RPTOR: variants seen among roughly 807,000 people sequenced by gnomAD.
RPTOR encodes regulatory-associated protein of mTOR.
Under a neutral mutation model 169.9 loss-of-function variants are expected in RPTOR, and 21 were observed. The ratio of observed to expected loss-of-function variants is 0.12; its 90% confidence interval spans 0.09 to 0.18. RPTOR has a LOEUF of 0.18. Ranked by LOEUF, RPTOR falls within the 10% of genes least tolerant of loss-of-function variation. The pLI is 1.00. For missense variants in RPTOR, 1,133 were observed against 1,855.9 expected (o/e 0.61, Z 7.16); for synonymous variants, 732 against 753.2 (o/e 0.97, Z 0.46).
chr17:80,757,173 G>C (rs575205898), intron 6 of RPTOR, among the ~76,000 whole-genome samples: 3 of 152,298 alleles, frequency 2.0e-5, no homozygotes, highest in South Asian at 4.1e-4. Flanking sequence ...CCCGTGTTGA[G>C]AGAACAAGAA....
Position 80,820,855 on chromosome 17 carries a change from G to A in RPTOR, c.891-1346G>A, listed in dbSNP as rs1023169927. 6.6e-6 allele frequency among the ~76,000 whole-genome samples: 1 copy of A among 152,166 alleles called. No homozygotes were observed. The highest frequency in any genetic ancestry group is 6.5e-5 in the Admixed American group (1 of 15,278). On this transcript the variant is annotated intron_variant, in intron 7 of 33. Transcript: ENST00000306801. This position sits in a 1 kb window ranked among gnomAD's most constrained non-coding sequence, Gnocchi z 4.1. The stretch of plus-strand genomic sequence containing the variant: ...CACAGCTAATGAAAGGGGCTTCTCC[G>A]TCATCCCCGTCCTGGCCAGCAGCCT...
intron 1 of RPTOR, among the ~76,000 whole-genome samples, chr17:80,564,097 C>G (rs980998860): frequency 6.6e-6 from 1 of 151,122 alleles, no homozygotes; most frequent in Non-Finnish European, 1.5e-5. Flanking sequence ...GAGTCTCGCT[C>G]TGTCGCCCAG....
chr17:80,599,300 C>T (rs1408569153), intron 1 of RPTOR, among the ~76,000 whole-genome samples: 1 of 152,054 alleles, frequency 6.6e-6, no homozygotes, highest in South Asian at 2.1e-4. Context: ...CACTCACCCC[C>T]AGACTTAAGT....
At chr17:80,919,918 C>T (rs2068724654) in intron 21 of RPTOR, among the ~76,000 whole-genome samples, 1 of 152,226 alleles carries the variant, frequency 6.6e-6, no homozygotes, top group Admixed American at 6.5e-5. Flanking sequence ...AGCCGGGGCT[C>T]TGGGGGTGTA....
chr17:80,887,629 A>G (rs752242124), intron 17 of RPTOR, among the ~76,000 whole-genome samples: 2 of 152,120 alleles, frequency 1.3e-5, no homozygotes, highest in Non-Finnish European at 2.9e-5. Context: ...GGGGAGTAGA[A>G]CTGGCTGAGA....
chr17:80,577,978 G>A (rs757904794), intron 1 of RPTOR, among the ~76,000 whole-genome samples: 9 of 152,224 alleles, frequency 5.9e-5, no homozygotes, highest in South Asian at 2.1e-4. Context: ...AGTCAAATGC[G>A]TCAGACCCTG....
chr17:80,803,833 G>C lies in RPTOR; in HGVS notation c.890+12324G>C, dbSNP rs1196631672. ...AGAGTGCCTGGATGCTTCTTTGATT[G>C]GGCAGCCTGATGAGGCCCATGAAGA... On this transcript the variant is annotated intron_variant, in intron 7 of 33. Coordinates refer to ENST00000306801, the MANE Select transcript of RPTOR (RefSeq NM_020761.3). This position sits in a 1 kb window ranked among gnomAD's most constrained non-coding sequence, Gnocchi z 6.2. 6.6e-6 allele frequency: 1 copy of C among 152,232 alleles called. No individual in the cohort carries two copies. Among genetic ancestry groups the C allele is most frequent in the Non-Finnish European group, 1.5e-5 (1 of 68,076 alleles). The allele number at this position is 152,232 out of a possible 1,614,324, so 9.4% of individuals were successfully genotyped here. A position where few individuals can be genotyped will look rare whatever the true frequency, so the allele number is the denominator to read the frequency against.
At chr17:80,571,967 CTA>C (rs935721577) in intron 1 of RPTOR, among the ~76,000 whole-genome samples, 1 of 152,176 alleles carries the variant, frequency 6.6e-6, no homozygotes, top group African/African-American at 2.4e-5. Flanking sequence ...GATAGAGTAA[CTA>C]TTTTAAATTC....
chr17:80,843,869 CCT>C (rs1158348075), intron 10 of RPTOR, among the ~76,000 whole-genome samples: 5 of 152,152 alleles, frequency 3.3e-5, no homozygotes, highest in Non-Finnish European at 7.4e-5. Context: ...GTCTGCTGCC[CCT>C]GTTTTTAGAA....
At chr17:80,587,162 C>G (rs1053797563) in intron 1 of RPTOR, among the ~76,000 whole-genome samples, 12 of 152,264 alleles carry the variant, frequency 7.9e-5, no homozygotes, top group African/African-American at 1.4e-4. Context: ...TGGCCTCCCC[C>G]GCAGTTCCCC....
intron 13 of RPTOR, among the ~76,000 whole-genome samples, chr17:80,870,118 AAATT>A (rs2068036473): frequency 6.6e-6 from 1 of 152,224 alleles, no homozygotes; most frequent in South Asian, 2.1e-4. Context: ...TTCATAGATA[AAATT>A]AATACTCAGT....
chr17:80,780,686 C>T (rs1028560268), intron 6 of RPTOR, among the ~76,000 whole-genome samples: 1 of 152,144 alleles, frequency 6.6e-6, no homozygotes, highest in Admixed American at 6.5e-5. Flanking sequence ...TTTGCACACA[C>T]GTCAGGTGAG....
intron 24 of RPTOR, among the ~76,000 whole-genome samples, chr17:80,933,807 G>A (rs140575885): frequency 9.9e-4 from 151 of 152,304 alleles, no homozygotes; most frequent in African/African-American, 3.3e-3. Context: ...TATACCTTCC[G>A]TCACTGCTTT....
rs556810146 is a variant in RPTOR, at chr17:80,833,818, C to T, written c.1137-4104C>T. The stretch of plus-strand genomic sequence containing the variant: ...CCGCCTGACCAACATGGTGAAACCC[C>T]GTCTCTACTAAAAATACAAAAATTA... On this transcript the variant is annotated intron_variant, in intron 9 of 33. Coordinates refer to ENST00000306801, the MANE Select transcript of RPTOR (RefSeq NM_020761.3). Among the ~76,000 whole-genome samples the T allele has an allele frequency of 3.7e-4, 57 of 152,254 alleles. No individual in the cohort carries two copies. The South Asian group carries it at 9.8e-3, about 26-fold the overall frequency.
At chr17:80,607,410 C>A (rs1599597036) in intron 1 of RPTOR, among the ~76,000 whole-genome samples, 1 of 152,112 alleles carries the variant, frequency 6.6e-6, no homozygotes, top group African/African-American at 2.4e-5. Flanking sequence ...TTCAGAGTAT[C>A]TTTTATATTG....
intron 6 of RPTOR, among the ~76,000 whole-genome samples, chr17:80,785,501 G>T (rs1397193251): frequency 1.3e-5 from 2 of 152,196 alleles, no homozygotes; most frequent in Admixed American, 1.3e-4. Flanking sequence ...CACTAGTGAG[G>T]TTTCTGGGGA....
intron 28 of RPTOR, among the ~76,000 whole-genome samples, chr17:80,951,806 C>A (rs950459493): frequency 6.6e-6 from 1 of 152,238 alleles, no homozygotes; most frequent in African/African-American, 2.4e-5. Context: ...CAGGGTCGGG[C>A]TGTGCCATGT....
Position 80,661,245 on chromosome 17 carries a change from C to CAGT in RPTOR, c.348+17437_348+17439dup, listed in dbSNP as rs2065721265. On this transcript the variant is annotated intron_variant, in intron 3 of 33. Transcript: ENST00000306801. ...ATCTGAAGTGCCTTGCTCTCAATGT[C>CAGT]AGTATTGATTGTGGATGGGTTAGGA... Among the ~76,000 whole-genome samples, 3 of 152,094 alleles carry CAGT rather than the reference C, an allele frequency of 2.0e-5. No homozygotes were observed. The South Asian group carries it at 6.2e-4, about 32-fold the overall frequency.
intron 17 of RPTOR, among the ~76,000 whole-genome samples, chr17:80,888,716 C>G (rs1478607102): frequency 3.9e-5 from 6 of 152,248 alleles, no homozygotes; most frequent in Non-Finnish European, 8.8e-5. Context: ...GCTGCACCCA[C>G]CCAGAACACA....
Sources: gnomAD v4.1 joint callset for allele counts (sites outside exome capture counted in the v4.1 genomes callset) on GRCh38, gnomAD v4.1.1 for gene constraint, Gnocchi (gnomAD v3.1) non-coding constraint, MANE v1.5 for transcripts, NCBI Gene and HGNC (gene_info 2026-07-23, HGNC 2026-07-21) for gene names.